The following ASAP3 variants were observed in gnomAD, a reference collection of about 807,000 sequenced individuals.
ASAP3 encodes the protein arf-GAP with SH3 domain, ANK repeat and PH domain-containing protein 3.
Under a neutral mutation model 118.2 loss-of-function variants are expected in ASAP3, and 85 were observed. The ratio of observed to expected loss-of-function variants is 0.72; its 90% CI spans 0.60 to 0.86. The LOEUF is 0.86. ASAP3 is among the 40% of genes least tolerant of loss of function. The pLI is 0.00. For synonymous variants in ASAP3, 432 were observed against 477.4 expected (o/e 0.90, Z 1.24); for missense variants, 1,026 against 1,175.0 (o/e 0.87, Z 1.85).
intron 3 of ASAP3, among the ~76,000 whole-genome samples, chr1:23,453,819 G>T (rs1641299180): frequency 6.6e-6 from 1 of 152,112 alleles, no homozygotes; most frequent in African/African-American, 2.4e-5. Flanking sequence ...CATGCTGCTG[G>T]TATTTCTTGA....
rs374898730 is a variant in ASAP3 at position 23,438,820 on chromosome 1, C to T, written c.1029G>A (p.Pro343=). The change falls in exon 12 of 25, where the codon CCG becomes CCA. Residue 343 remains proline, a synonymous_variant. Transcript: ENST00000336689. The surrounding 1 kb of genome is among the most constrained non-coding windows in gnomAD (Gnocchi z 4.9). The part of the protein sequence containing the change: ...TISHSTINRP[P]VKLTLLTCQV... ...GGCACGTCAGCAGGGTCAGCTTCAC[C>T]GGGGGCCGGTTTATCTGTGGGAATT... 25 of 1,614,164 alleles carry T rather than the reference C, an allele frequency of 1.5e-5. No homozygotes were observed. Among genetic ancestry groups the T allele is most frequent in the Middle Eastern group, 1.6e-4 (1 of 6,062 alleles).
At chr1:23,467,998 C>T (rs1558174937) in intron 1 of ASAP3, among the ~76,000 whole-genome samples, 1 of 148,768 alleles carries the variant, frequency 6.7e-6, no homozygotes, top group Non-Finnish European at 1.5e-5. Flanking sequence ...CAACCTAAAA[C>T]TTGTATAGAG....
rs368284313 is a variant in ASAP3, at chr1:23,451,447, C to G, written c.473+32G>C. On this transcript the variant is annotated intron_variant, in intron 5 of 24. Coordinates refer to ENST00000336689, the MANE Select transcript of ASAP3 (RefSeq NM_017707.4). ...CCTATCCAGCCTAAGTGCTACTCTC[C>G]CAGACAAACGACCCTGGCTGTGGCC... is the stretch of plus-strand genomic sequence containing the variant. 5 of 1,609,044 alleles carry G rather than the reference C, an allele frequency of 3.1e-6. No homozygotes were observed. The African/African-American group carries it at 6.7e-5, about 22-fold the overall frequency.
At chr1:23,432,691 A>G (rs559231091) in intron 22 of ASAP3, among the ~76,000 whole-genome samples, 15 of 152,366 alleles carry the variant, frequency 9.8e-5, no homozygotes, top group African/African-American at 3.1e-4. Context: ...TTTACATTCT[A>G]TATCACATTG....
At chr1:23,430,033 T>C in intron 24 of ASAP3, 103 bp from the exon 25 acceptor site, 2 of 985,218 alleles carry the variant, frequency 2.0e-6, no homozygotes, top group Non-Finnish European at 3.0e-6. Context: ...TAAATTAAAT[T>C]ATTCTCATTT....
chr1:23,453,243 C>T (rs1319189283), intron 3 of ASAP3, among the ~76,000 whole-genome samples: 1 of 152,184 alleles, frequency 6.6e-6, no homozygotes, highest in African/African-American at 2.4e-5. Flanking sequence ...GCTTCAGAGC[C>T]TCCCCTATTA....
chr1:23,436,065 C>T lies in ASAP3; in HGVS notation c.1572-37G>A, dbSNP rs375103666. ...AACCACAGGATCTCAGAGCATGGAC[C>T]GTGTCTGCCCAGCTGATCCCTGGGG... is the stretch of plus-strand genomic sequence containing the variant. On this transcript the variant is annotated intron_variant, in intron 16 of 24. Coordinates refer to ENST00000336689, the MANE Select transcript of ASAP3 (RefSeq NM_017707.4). The surrounding 1 kb of genome is among the most constrained non-coding windows in gnomAD (Gnocchi z 4.2). The T allele has an allele frequency of 6.9e-4, 1,110 of 1,608,004 alleles. 6 individuals carry two copies. In the African/African-American group the frequency reaches 0.012, roughly 17 times the overall value.
chr1:23,484,456 T>C (rs1418554573), upstream of ASAP3: 125 of 48,414 alleles, frequency 2.6e-3, no homozygotes, highest in African/African-American at 0.036. Context: ...CCCCGCCCCC[T>C]GGCGCGATGC....
intron 1 of ASAP3, among the ~76,000 whole-genome samples, chr1:23,463,621 A>T (rs1641666257): frequency 6.6e-6 from 1 of 151,876 alleles, no homozygotes; most frequent in African/African-American, 2.4e-5. Flanking sequence ...TTTATTTTTG[A>T]GATGGAATCT....
intron 5 of ASAP3, among the ~76,000 whole-genome samples, chr1:23,449,012 C>T (rs998491561): frequency 3.1e-4 from 47 of 151,650 alleles, no homozygotes; most frequent in South Asian, 2.1e-4. Flanking sequence ...CTCATTCCTG[C>T]GAGCTGCTGA....
chr1:23,455,816 C>T, intron 3 of ASAP3, 65 bp downstream of exon 3: 1 of 1,588,462 alleles, frequency 6.3e-7, no homozygotes, highest in Admixed American at 1.8e-5. Context: ...GACCCTTTCC[C>T]AGTCAGGTTC....
chr1:23,455,455 T>C (rs1641351503), intron 3 of ASAP3, among the ~76,000 whole-genome samples: 2 of 151,952 alleles, frequency 1.3e-5, no homozygotes, highest in African/African-American at 4.8e-5. Context: ...ACGAAGCAGA[T>C]GTGGATTGGG....
intron 1 of ASAP3, among the ~76,000 whole-genome samples, chr1:23,482,459 T>A (rs1642336723): frequency 6.6e-6 from 1 of 151,922 alleles, no homozygotes; most frequent in Non-Finnish European, 1.5e-5. Flanking sequence ...GAGGCAGAGA[T>A]TGCAGTCAGC....
upstream of ASAP3, chr1:23,484,251 T>TCCGCACGCCCCGCCCCC (rs1642437072): frequency 1.3e-5 from 11 of 867,358 alleles, no homozygotes; most frequent in Non-Finnish European, 1.5e-5. Context: ...GCCCCGCCCC[T>TCCGCACGCCCCGCCCCC]CCGCACGCCC....
intron 4 of ASAP3, 68 bp from the exon 5 acceptor site, chr1:23,451,596 C>T: frequency 6.5e-7 from 1 of 1,546,326 alleles, no homozygotes; most frequent in Non-Finnish European, 8.9e-7. Flanking sequence ...GTATGCTCTG[C>T]TGCCTGTAGG....
At chr1:23,484,257 C>A, upstream of ASAP3, 3 of 943,738 alleles carry the variant, frequency 3.2e-6, no homozygotes, top group Non-Finnish European at 4.0e-6. Context: ...CCCCTCCGCA[C>A]GCCCCGCCCC....
chr1:23,431,312 A>G (rs1640423838), intron 23 of ASAP3, among the ~76,000 whole-genome samples, 187 bp from the exon 24 acceptor site: 1 of 152,220 alleles, frequency 6.6e-6, no homozygotes, highest in South Asian at 2.1e-4. Flanking sequence ...CTCTGTGGAT[A>G]TCTGCAGGTC....
Position 23,484,088 on chromosome 1 carries a change from C to G in ASAP3, c.46G>C (p.Glu16Gln). 1 of 1,347,616 alleles carries G rather than the reference C, an allele frequency of 7.4e-7. No individual in the cohort carries two copies. Among genetic ancestry groups the G allele is most frequent in the African/African-American group, 1.5e-5 (1 of 66,218 alleles). The allele number at this position is 1,347,616 out of a possible 1,614,324, so 83.5% of individuals were successfully genotyped here. ...GCCCCAGCCGGGGAGCTGAGGTCCT[C>G]CGCGGTGACGGCCAGGAACTCGGCG... ...SVAEFLAVTA[E>Q]DLSSPAGAAA... is the part of the protein sequence containing the mutation. The change falls in exon 1 of 25, where the codon GAG becomes CAG. Residue 16 changes from glutamate to glutamine, a missense_variant. By Grantham distance (29) the Glu-to-Gln change is conservative. Coordinates refer to ENST00000336689, the MANE Select transcript of ASAP3 (RefSeq NM_017707.4).
chr1:23,481,052 T>C (rs545582668), intron 1 of ASAP3, among the ~76,000 whole-genome samples: 1 of 152,048 alleles, frequency 6.6e-6, no homozygotes, highest in East Asian at 1.9e-4. Flanking sequence ...GGACCGGGGG[T>C]AGAACACGTG....
Sources: allele counts gnomAD v4.1 joint callset (sites outside exome capture counted in the v4.1 genomes callset), GRCh38; gene constraint gnomAD v4.1.1; non-coding constraint Gnocchi (gnomAD v3.1); transcripts MANE v1.5; gene names NCBI Gene and HGNC (gene_info 2026-07-23, HGNC 2026-07-21).